ROBO1: variants seen among roughly 807,000 people sequenced by gnomAD.
ROBO1 encodes roundabout homolog 1.
A neutral mutation model predicts 195.9 loss-of-function variants in ROBO1; 149 were observed. The observed-to-expected ratio is 0.76, with a 90% confidence interval of 0.67 to 0.87. The LOEUF (loss-of-function observed/expected upper bound fraction) is 0.87. ROBO1 is among the 40% of genes least tolerant of loss of function. The pLI, the probability that ROBO1 is intolerant of heterozygous loss-of-function variation, is 0.00. For synonymous variants in ROBO1, 816 were observed against 733.2 expected (o/e 1.11, Z -1.82); for missense variants, 1,933 against 2,068.3 (o/e 0.93, Z 1.27).
chr3:79,553,090 T>C (rs1942578734), intron 2 of ROBO1, among the ~76,000 whole-genome samples: 1 of 152,094 alleles, frequency 6.6e-6, no homozygotes, highest in Non-Finnish European at 1.5e-5. Flanking sequence ...CACAGTTGAT[T>C]TGTAGTTGTC....
chr3:79,592,530 G>A (rs1944036640), intron 1 of ROBO1, among the ~76,000 whole-genome samples: 1 of 151,868 alleles, frequency 6.6e-6, no homozygotes, highest in Non-Finnish European at 1.5e-5. Context: ...TGAAGTTTTG[G>A]TTTGCTTTTA....
intron 2 of ROBO1, among the ~76,000 whole-genome samples, chr3:79,506,116 GGTTT>G (rs1385269589): frequency 6.6e-6 from 1 of 151,778 alleles, no homozygotes; most frequent in African/African-American, 2.4e-5. Flanking sequence ...AGAGATCACA[GGTTT>G]ATTTATTTAT....
chr3:79,302,689 G>A (rs1364291170), intron 2 of ROBO1, among the ~76,000 whole-genome samples: 2 of 152,020 alleles, frequency 1.3e-5, no homozygotes, highest in Non-Finnish European at 2.9e-5. Context: ...GTTTTTCCGT[G>A]TTCTTTGAAT....
At chr3:78,887,570 A>T (rs1316278703) in intron 4 of ROBO1, among the ~76,000 whole-genome samples, 1 of 152,168 alleles carries the variant, frequency 6.6e-6, no homozygotes, top group Non-Finnish European at 1.5e-5. Flanking sequence ...AGAGTTATAG[A>T]GATATTTAAG....
chr3:78,662,229 C>T, intron 14 of ROBO1, 115 bp from the exon 15 acceptor site: 2 of 884,122 alleles, frequency 2.3e-6, no homozygotes, highest in Non-Finnish European at 3.2e-6. Flanking sequence ...AGAGTCCAAG[C>T]CAGGCTGTGA....
At chr3:78,818,184 GA>G (rs1186520916) in intron 4 of ROBO1, among the ~76,000 whole-genome samples, 1 of 152,144 alleles carries the variant, frequency 6.6e-6, no homozygotes, top group African/African-American at 2.4e-5. Context: ...CTTAGGCAGG[GA>G]TGATGGTCTG....
chr3:78,963,090 G>GATATATATATAT (rs71127370), intron 3 of ROBO1, among the ~76,000 whole-genome samples: 87 of 145,742 alleles, frequency 6.0e-4, no homozygotes, highest in Non-Finnish European at 9.4e-4. Context: ...TCTCATACTT[G>GATATATATATAT]ATATATATAT....
intron 2 of ROBO1, among the ~76,000 whole-genome samples, chr3:79,558,679 ATATT>A (rs1011142053): frequency 4.7e-4 from 71 of 152,306 alleles, no homozygotes; most frequent in African/African-American, 1.5e-3. Context: ...TATTAAACTA[ATATT>A]TATTCTATTC....
chr3:78,817,945 G>C (rs1274873535), intron 4 of ROBO1, among the ~76,000 whole-genome samples: 1 of 152,112 alleles, frequency 6.6e-6, no homozygotes, highest in Non-Finnish European at 1.5e-5. Context: ...CCAGAGTTGA[G>C]AGTAATTCAG....
rs115415712 is a variant in ROBO1, at chr3:79,391,712, T to G, written c.88+198112A>C. Among the ~76,000 whole-genome samples the G allele has an allele frequency of 1.6e-3, 240 of 152,284 alleles. 1 individual carries two copies. The highest frequency in any genetic ancestry group is 4.7e-3 in the African/African-American group (196 of 41,562). On this transcript the variant is annotated intron_variant, in intron 2 of 30. Coordinates refer to ENST00000464233, the MANE Select transcript of ROBO1 (RefSeq NM_002941.4). Reference sequence around the variant, plus strand: ...TGAATTTTATCGCTGATTTTATCACTAGGGGATAAAAGCAACTGAAATATA... The same window carrying G: ...TGAATTTTATCGCTGATTTTATCACGAGGGGATAAAAGCAACTGAAATATA...
At chr3:79,381,370 AAAAAAAAGAAAAGAAAAG>A (rs1256284267) in intron 2 of ROBO1, among the ~76,000 whole-genome samples, 2 of 130,304 alleles carry the variant, frequency 1.5e-5, no homozygotes, top group Non-Finnish European at 3.3e-5. Flanking sequence ...AAAAAAAAAA[AAAAAAAAGAAAAGAAAAG>A]AAAAGAAAAG....
intron 4 of ROBO1, among the ~76,000 whole-genome samples, chr3:78,865,160 G>A (rs1261570480): frequency 2.0e-5 from 3 of 151,960 alleles, no homozygotes; most frequent in Non-Finnish European, 2.9e-5. Flanking sequence ...AATTTGAACT[G>A]GAGTACTCAA....
At position 78,898,119 on chromosome 3, in the gene ROBO1, C is replaced by G. The variant is rs573234625; in HGVS notation, c.499+40482G>C. ...TTAAATATATATATTTAATTTAAAA[C>G]ATATATTTTAAGTTCTAAAACATAT... On this transcript the variant is annotated intron_variant, in intron 4 of 30. Transcript: ENST00000464233. 4.7e-5 allele frequency among the ~76,000 whole-genome samples: 7 copies of G among 149,494 alleles called. No individual in the cohort carries two copies. In the East Asian group the frequency reaches 1.2e-3, roughly 25 times the overall value.
chr3:79,162,774 C>G (rs1357742997), intron 2 of ROBO1, among the ~76,000 whole-genome samples: 1 of 152,026 alleles, frequency 6.6e-6, no homozygotes, highest in African/African-American at 2.4e-5. Context: ...TCCATGTTAT[C>G]AGGTGTACAT....
chr3:79,413,975 C>A lies in ROBO1; in HGVS notation c.88+175849G>T, dbSNP rs189656079. Among the ~76,000 whole-genome samples, 368 of 152,092 alleles carry A rather than the reference C, an allele frequency of 2.4e-3. 1 individual carries two copies. The highest frequency in any genetic ancestry group is 7.6e-3 in the African/African-American group (315 of 41,524). ...ATCATACCAAGAAACTTTCCATTTTCCAAAAAAGCATGAACTTCCAGTCTG... is the reference window on the plus strand; with the variant it reads ...ATCATACCAAGAAACTTTCCATTTTACAAAAAAGCATGAACTTCCAGTCTG... On this transcript the variant is annotated intron_variant, in intron 2 of 30. Coordinates refer to ENST00000464233, the MANE Select transcript of ROBO1 (RefSeq NM_002941.4).
intron 2 of ROBO1, among the ~76,000 whole-genome samples, chr3:79,255,915 C>CT (rs1436630707): frequency 1.3e-5 from 2 of 152,232 alleles, no homozygotes; most frequent in East Asian, 3.9e-4. Flanking sequence ...CAGCAAAGAG[C>CT]TGTTCATGTG....
chr3:79,178,293 A>ATAGCAG (rs2081288300), intron 2 of ROBO1, among the ~76,000 whole-genome samples: 1 of 152,238 alleles, frequency 6.6e-6, no homozygotes, highest in Non-Finnish European at 1.5e-5. Flanking sequence ...TGTTTGAAAA[A>ATAGCAG]TAGCAGTAAA....
At chr3:79,362,811 G>C (rs1038448199) in intron 2 of ROBO1, among the ~76,000 whole-genome samples, 3 of 152,000 alleles carry the variant, frequency 2.0e-5, no homozygotes, top group African/African-American at 7.2e-5. Flanking sequence ...ATCTCTGTAG[G>C]AGCTTTTTCT....
At chr3:78,602,981 A>C (rs1181089800) in intron 29 of ROBO1, among the ~76,000 whole-genome samples, 1 of 152,192 alleles carries the variant, frequency 6.6e-6, no homozygotes, top group African/African-American at 2.4e-5. Flanking sequence ...CACATGGTCC[A>C]ACATACAACA....
Sources: gnomAD v4.1 joint callset for allele counts (sites outside exome capture counted in the v4.1 genomes callset) on GRCh38, gnomAD v4.1.1 for gene constraint, MANE v1.5 for transcripts, NCBI Gene and HGNC (gene_info 2026-07-23, HGNC 2026-07-21) for gene names.